Variants in LIMS1 observed in about 807,000 individuals in gnomAD.
The protein encoded by LIMS1 is LIM zinc finger domain containing 1.
A neutral mutation model predicts 44.1 loss-of-function variants in LIMS1; 18 were observed. The observed-to-expected ratio is 0.41, with a 90% CI of 0.28 to 0.61. The LOEUF (loss-of-function observed/expected upper bound fraction) is 0.61. LIMS1 is among the 20% of genes least tolerant of loss of function. The pLI is 0.32. For missense variants in LIMS1, 201 were observed against 422.0 expected (o/e 0.48, Z 4.59); for synonymous variants, 93 against 149.1 (o/e 0.62, Z 2.74).
chr2:108,580,607 G>T (rs1465514813), intron 1 of LIMS1, among the ~76,000 whole-genome samples: 1 of 152,208 alleles, frequency 6.6e-6, no homozygotes. Context: ...AGGTGATGGT[G>T]CCAGAAGTAG....
At chr2:108,617,865 T>A (rs1437097151) in intron 1 of LIMS1, among the ~76,000 whole-genome samples, 1 of 152,174 alleles carries the variant, frequency 6.6e-6, no homozygotes, top group Non-Finnish European at 1.5e-5. Flanking sequence ...TGAGATCTGC[T>A]GGAGTCAAAG....
At chr2:108,556,549 A>G (rs931885035) in intron 1 of LIMS1, among the ~76,000 whole-genome samples, 3 of 152,092 alleles carry the variant, frequency 2.0e-5, no homozygotes, top group Non-Finnish European at 2.9e-5. Context: ...TGAAAAGTTA[A>G]CTCTTATGTT....
intron 1 of LIMS1, chr2:108,655,054 C>T (rs1308915746): frequency 6.2e-7 from 1 of 1,611,656 alleles, no homozygotes; most frequent in African/African-American, 1.3e-5. Flanking sequence ...TCCCTGTGCT[C>T]AGAGCTCTCA....
chr2:108,560,845 T>C (rs899540674), intron 1 of LIMS1, among the ~76,000 whole-genome samples: 1 of 152,120 alleles, frequency 6.6e-6, no homozygotes, highest in Non-Finnish European at 1.5e-5. Flanking sequence ...TCAAATTAAT[T>C]TTAAAAACTC....
chr2:108,584,233 A>ACACTTTGTCAGGCTTAGGG (rs1395486053), intron 1 of LIMS1, among the ~76,000 whole-genome samples: 2 of 152,172 alleles, frequency 1.3e-5, no homozygotes, highest in Non-Finnish European at 2.9e-5. Flanking sequence ...GCACTGTGTA[A>ACACTTTGTCAGGCTTAGGG]CACTTTGTCA....
intron 1 of LIMS1, among the ~76,000 whole-genome samples, chr2:108,598,213 C>T (rs1003728711): frequency 1.3e-4 from 20 of 151,808 alleles, no homozygotes; most frequent in Non-Finnish European, 2.6e-4. Flanking sequence ...AAGTAGCTGG[C>T]TCAAAGCCCT....
rs1358211347 is a variant in LIMS1, at chr2:108,625,214, A to T, written c.33-34391A>T. Among the ~76,000 whole-genome samples the T allele has an allele frequency of 3.9e-5, 6 of 152,236 alleles. No individual in the cohort carries two copies. The East Asian group carries it at 1.2e-3, about 29-fold the overall frequency. On this transcript the variant is annotated intron_variant, in intron 1 of 9. Coordinates refer to ENST00000544547, the Ensembl canonical transcript of LIMS1. ...TTTTGAATGGTTGAAAAAATAATAA[A>T]AATATTTTTCACATGTGAAATATAT...
intron 1 of LIMS1, among the ~76,000 whole-genome samples, chr2:108,550,612 G>A (rs1443703413): frequency 6.8e-6 from 1 of 146,892 alleles, no homozygotes; most frequent in Non-Finnish European, 1.5e-5. Context: ...TCAGGAGATC[G>A]AGACCATCCT....
chr2:108,534,042 G>C (rs1334431308), upstream of LIMS1: 1 of 153,188 alleles, frequency 6.5e-6, no homozygotes, highest in Non-Finnish European at 1.5e-5. Flanking sequence ...AGTGGAATCA[G>C]AGGAGCCTCG....
At chr2:108,629,964 G>A (rs145684790) in intron 1 of LIMS1, among the ~76,000 whole-genome samples, 2,779 of 152,220 alleles carry the variant, frequency 0.018, 46 homozygotes, top group African/African-American at 0.039. Flanking sequence ...AGGCCAAGCC[G>A]GGTGGATCAC....
At chr2:108,663,155 G>A (rs548721214) in intron 2 of LIMS1, among the ~76,000 whole-genome samples, 1 of 151,864 alleles carries the variant, frequency 6.6e-6, no homozygotes, top group African/African-American at 2.4e-5. Context: ...GTCTTACCGT[G>A]TTACCCAGGC....
chr2:108,553,934 T>G (rs547307968), intron 1 of LIMS1, among the ~76,000 whole-genome samples: 1 of 152,232 alleles, frequency 6.6e-6, no homozygotes, highest in Non-Finnish European at 1.5e-5. Context: ...TGTGTAGTGT[T>G]TGATGATATA....
chr2:108,682,678 T>A (rs1693084767), intron 9 of LIMS1, among the ~76,000 whole-genome samples: 1 of 152,186 alleles, frequency 6.6e-6, no homozygotes. Context: ...AAATAGAAGA[T>A]TTTTCATTTT....
chr2:108,668,581 A>G (rs1691951689), intron 2 of LIMS1, among the ~76,000 whole-genome samples: 1 of 152,198 alleles, frequency 6.6e-6, no homozygotes, highest in Admixed American at 6.5e-5. Context: ...CGCTGGGTAT[A>G]TGTACCATAT....
exon 10 of LIMS1, chr2:108,684,110 T>C: frequency 1.8e-6 from 1 of 565,342 alleles, no homozygotes; most frequent in East Asian, 3.3e-5. Flanking sequence ...AGAGGACCTA[T>C]ATGAATGGTT....
intron 1 of LIMS1, among the ~76,000 whole-genome samples, chr2:108,566,930 GTGT>G (rs1013029690): frequency 2.5e-4 from 38 of 152,164 alleles, no homozygotes; most frequent in African/African-American, 8.7e-4. Context: ...TAGTTCAGTG[GTGT>G]TAAGTATGTT....
intron 1 of LIMS1, among the ~76,000 whole-genome samples, chr2:108,563,633 A>G (rs994639631): frequency 3.9e-5 from 6 of 152,240 alleles, no homozygotes; most frequent in African/African-American, 1.4e-4. Flanking sequence ...GAACAAAGAA[A>G]GTGATTTCTT....
intron 1 of LIMS1, among the ~76,000 whole-genome samples, chr2:108,619,913 G>A (rs1307812073): frequency 6.6e-6 from 1 of 152,080 alleles, no homozygotes; most frequent in Non-Finnish European, 1.5e-5. Flanking sequence ...AGTATTACCG[G>A]TTTTTTGTAT....
rs541627609 is a variant in LIMS1, at chr2:108,679,083, G to C, written c.823+1056G>C. Among the ~76,000 whole-genome samples the C allele has an allele frequency of 5.3e-5, 8 of 152,206 alleles. No individual in the cohort carries two copies. The South Asian group carries it at 1.7e-3, about 32-fold the overall frequency. On this transcript the variant is annotated intron_variant, in intron 8 of 9. Transcript: ENST00000544547. The stretch of plus-strand genomic sequence containing the variant: ...CAACTATGGATCAAAAATATTTAGA[G>C]AAAAATAACAATATAACAGTACAAA...
Sources: gnomAD v4.1 joint callset for allele counts (sites outside exome capture counted in the v4.1 genomes callset) on GRCh38, gnomAD v4.1.1 for gene constraint, MANE v1.5 for transcripts, NCBI Gene and HGNC (gene_info 2026-07-23, HGNC 2026-07-21) for gene names.